Variants in TPRG1L observed in about 807,000 individuals in gnomAD.
TPRG1L encodes the protein tumor protein p63-regulated gene 1-like protein.
TPRG1L carries 25 observed loss-of-function variants against 29.4 expected under a neutral mutation model. The observed-to-expected ratio is 0.85, with a 90% CI of 0.62 to 1.19. The LOEUF (loss-of-function observed/expected upper bound fraction) is 1.19, where lower values mean the gene tolerates loss of function less well. Ranked by LOEUF, TPRG1L falls within the 50% of genes most tolerant of loss-of-function variation. The pLI, the probability that TPRG1L is intolerant of heterozygous loss-of-function variation, is 0.00. For missense variants in TPRG1L, 354 were observed against 364.4 expected, an observed-to-expected ratio of 0.97 and a Z score of 0.23; for synonymous variants, 182 against 151.1, an observed-to-expected ratio of 1.20 and a Z score of -1.50.
In TPRG1L at chr1:3,625,768, C is replaced by T. The variant is rs760020500; in HGVS notation, c.349C>T (p.Leu117=). 3 of 1,613,680 alleles carry T rather than the reference C, an allele frequency of 1.9e-6. No homozygotes were observed. Among genetic ancestry groups the T allele is most frequent in the Admixed American group, 1.7e-5 (1 of 60,028 alleles). The change falls in exon 3 of 5, where the codon CTG becomes TTG. Residue 117 remains leucine, a synonymous_variant. Transcript: ENST00000378344. ...GCTGGTGCTGGTCACGGAGCAGTCCCTGCTTATCTGTAAATACGACTTCAT... is the reference window on the plus strand; with the variant it reads ...GCTGGTGCTGGTCACGGAGCAGTCCTTGCTTATCTGTAAATACGACTTCAT... The part of the protein sequence containing the change: ...ERLVLVTEQS[L]LICKYDFISL...
chr1:3,625,170 G>A lies in TPRG1L; in HGVS notation c.98G>A (p.Gly33Glu). Residue 33 changes from glycine (G) to glutamate (E), a missense_variant, in exon 1 of 5, where the codon GGG becomes GAG. Gly to Glu is a moderately conservative substitution (Grantham distance 98). Coordinates refer to ENST00000378344, the MANE Select transcript of TPRG1L (RefSeq NM_182752.4). ...GTGGGGGCAGGCGGCGGCCCGGGCG[G>A]GGGGCGGCCGGGGGCGGGGACGCCG... The part of the protein sequence containing the change: ...EEVGAGGGPG[G>E]GRPGAGTPLR... 8.0e-7 allele frequency: 1 copy of A among 1,242,712 alleles called. No homozygotes were observed. The highest frequency in any genetic ancestry group is 1.0e-6 in the Non-Finnish European group (1 of 991,496). 77.0% of individuals were successfully genotyped at this position (1,242,712 alleles called of 1,614,324 possible). A position where few individuals can be genotyped will look rare whatever the true frequency, so the allele number is the denominator to read the frequency against.
At chr1:3,627,362 T>A (rs1396689414) in intron 3 of TPRG1L, 138 bp from the exon 4 acceptor site, 1 of 868,788 alleles carries the variant, frequency 1.2e-6, no homozygotes, top group South Asian at 1.9e-5. Flanking sequence ...CCGTTTTCCA[T>A]TGTGATATGT....
chr1:3,625,353 G>C, intron 1 of TPRG1L, 71 bp from the exon 2 acceptor site: 1 of 1,536,012 alleles, frequency 6.5e-7, no homozygotes, highest in South Asian at 1.2e-5. Context: ...GGCGGGCGCC[G>C]GGCGGTCCCG....
At chr1:3,625,621 T>TGCC (rs1315227084) in intron 2 of TPRG1L, 92 bp from the exon 3 acceptor site, 4 of 1,561,576 alleles carry the variant, frequency 2.6e-6, no homozygotes, top group African/African-American at 1.3e-5. Flanking sequence ...AGGCGCCCCG[T>TGCC]GCCGCCCCTG....
At position 3,628,464 on chromosome 1, in the gene TPRG1L, G is replaced by T; in HGVS notation, c.680G>T (p.Ser227Ile). The change falls in exon 5 of 5, where the codon AGC becomes ATC. Residue 227 changes from serine (S) to isoleucine (I), a missense_variant. Ser to Ile is a moderately radical substitution (Grantham distance 142). Coordinates refer to ENST00000378344, the MANE Select transcript of TPRG1L (RefSeq NM_182752.4). ...IQAVKKAQKE[S>I]PLPGQANGVL... ...GCTGTCAAAAAAGCCCAAAAAGAAA[G>T]CCCTTTGCCAGGACAGGCGAATGGC... 1 of 1,613,594 alleles carries T rather than the reference G, an allele frequency of 6.2e-7. No homozygotes were observed. Among genetic ancestry groups the T allele is most frequent in the Non-Finnish European group, 8.5e-7 (1 of 1,179,580 alleles).
Position 3,628,439 on chromosome 1 carries a change from G to T in TPRG1L, c.655G>T (p.Ala219Ser). ...AAGCTTCAAGGCTCTGTTAATCCAA[G>T]CTGTCAAAAAAGCCCAAAAAGAAAG... ...LESFKALLIQ[A>S]VKKAQKESPL... The change falls in exon 5 of 5, where the codon GCT (alanine) becomes TCT (serine). Residue 219 changes from alanine to serine, a missense_variant. By Grantham distance (99) the Ala-to-Ser change is moderately conservative. Coordinates refer to ENST00000378344, the MANE Select transcript of TPRG1L (RefSeq NM_182752.4). The T allele has an allele frequency of 6.2e-7, 1 of 1,612,178 alleles. No homozygotes were observed. Among genetic ancestry groups the T allele is most frequent in the Non-Finnish European group, 8.5e-7 (1 of 1,178,656 alleles).
At chr1:3,625,632 C>G (rs1644480873) in intron 2 of TPRG1L, 81 bp from the exon 3 acceptor site, 4 of 1,568,576 alleles carry the variant, frequency 2.6e-6, no homozygotes, top group East Asian at 4.5e-5. Context: ...GCCGCCCCTG[C>G]TGCCCTTCCA....
chr1:3,628,376 C>T, intron 4 of TPRG1L, 33 bp from the exon 5 acceptor site: 2 of 1,537,176 alleles, frequency 1.3e-6, no homozygotes, highest in Non-Finnish European at 1.8e-6. Context: ...TCTTGCCTGA[C>T]AGTTAAAGCT....
At chr1:3,625,995 T>A in intron 3 of TPRG1L, 106 bp downstream of exon 3, 2 of 1,119,348 alleles carry the variant, frequency 1.8e-6, no homozygotes, top group Non-Finnish European at 2.5e-6. Context: ...TCTCTGTCAT[T>A]AATTATAAGC....
intron 1 of TPRG1L, 26 bp from the exon 2 acceptor site, chr1:3,625,398 C>T: frequency 1.9e-6 from 3 of 1,562,066 alleles, no homozygotes; most frequent in African/African-American, 1.3e-5. Flanking sequence ...TCTTTGCCCC[C>T]GTCCCCCACC....
chr1:3,625,355 G>A, intron 1 of TPRG1L, 69 bp from the exon 2 acceptor site: 2 of 1,537,162 alleles, frequency 1.3e-6, no homozygotes, highest in Non-Finnish European at 1.8e-6. Flanking sequence ...CGGGCGCCGG[G>A]CGGTCCCGCA....
chr1:3,626,576 A>G (rs1302364197), intron 3 of TPRG1L, among the ~76,000 whole-genome samples: 1 of 150,396 alleles, frequency 6.6e-6, no homozygotes, highest in African/African-American at 2.5e-5. Flanking sequence ...GCCTATCTAT[A>G]ATTATTCCCT....
rs112238384 is a variant in TPRG1L at position 3,626,641 on chromosome 1, C to T, written c.470+752C>T. 6.3e-3 allele frequency among the ~76,000 whole-genome samples: 924 copies of T among 146,670 alleles called. 8 individuals are homozygous for T. The highest frequency in any genetic ancestry group is 0.023 in the African/African-American group (889 of 38,446). On this transcript the variant is annotated intron_variant, in intron 3 of 4. Coordinates refer to ENST00000378344, the MANE Select transcript of TPRG1L (RefSeq NM_182752.4). ...CTCTGTCACCCAGGCACCAGTGGTG[C>T]AGTCTTGGTTCACTGCATCCTCCAC...
rs759638851 is a variant in TPRG1L at position 3,628,575 on chromosome 1, C to T, written c.791C>T (p.Ser264Phe). The T allele has an allele frequency of 3.7e-6, 6 of 1,608,708 alleles. No individual in the cohort carries two copies. The highest frequency in any genetic ancestry group is 3.3e-5 in the Admixed American group (2 of 59,716). ...FINNEAKLGY[S>F]MTRGKIGF is the part of the protein sequence containing the mutation. Reference sequence around the variant, plus strand: ...AACAACGAGGCGAAACTGGGCTACTCCATGACCAGGGGCAAAATAGGCTTT... The same window carrying T: ...AACAACGAGGCGAAACTGGGCTACTTCATGACCAGGGGCAAAATAGGCTTT... Residue 264 changes from serine to phenylalanine, a missense_variant, in exon 5 of 5, where the codon TCC (serine) becomes TTC (phenylalanine). By Grantham distance (155) the Ser-to-Phe change is radical. Coordinates refer to ENST00000378344, the MANE Select transcript of TPRG1L (RefSeq NM_182752.4).
chr1:3,625,975 C>T, intron 3 of TPRG1L, 86 bp downstream of exon 3: 3 of 1,282,892 alleles, frequency 2.3e-6, no homozygotes, highest in South Asian at 1.4e-5. Flanking sequence ...GCCCCCCAAG[C>T]GGTGTGTCTT....
chr1:3,625,496 G>A lies in TPRG1L; in HGVS notation c.274G>A (p.Gly92Arg). Residue 92 changes from glycine to arginine, a missense_variant, in exon 2 of 5, where the codon GGA becomes AGA. By Grantham distance (125) the Gly-to-Arg change is moderately radical. Coordinates refer to ENST00000378344, the MANE Select transcript of TPRG1L (RefSeq NM_182752.4). ...VRPVEDGEIQ[G>R]VWLLTEVDHW... ...GCCCGTGGAGGACGGCGAGATCCAG[G>A]GAGTGTGGCTGCTTACCGAGTAAGC... 2 of 1,606,528 alleles carry A rather than the reference G, an allele frequency of 1.2e-6. No homozygotes were observed. Among genetic ancestry groups the A allele is most frequent in the Non-Finnish European group, 8.5e-7 (1 of 1,177,616 alleles).
At chr1:3,625,684 G>T in intron 2 of TPRG1L, 29 bp from the exon 3 acceptor site, 1 of 1,599,352 alleles carries the variant, frequency 6.3e-7, no homozygotes, top group East Asian at 2.2e-5. Flanking sequence ...CGCGTCCAGT[G>T]TGGACTGAGG....
At chr1:3,626,937 A>T (rs1644494071) in intron 3 of TPRG1L, among the ~76,000 whole-genome samples, 1 of 152,192 alleles carries the variant, frequency 6.6e-6, no homozygotes, top group South Asian at 2.1e-4. Context: ...TACATTTAAT[A>T]ACCAAAATAT....
rs148144545 is a variant in TPRG1L, at chr1:3,627,744, G to A, written c.624+91G>A. ...GAGACACTTCAGGTCTGCACTGTCC[G>A]GCGGCCACGCGGAGCTGCCGAGCAC... On this transcript the variant is annotated intron_variant, in intron 4 of 4. Transcript: ENST00000378344. The A allele has an allele frequency of 3.4e-4, 518 of 1,535,694 alleles. 1 individual carries two copies. In the African/African-American group the frequency reaches 6.1e-3, roughly 18 times the overall value.
Sources: gnomAD v4.1 joint callset for allele counts (sites outside exome capture counted in the v4.1 genomes callset) on GRCh38, gnomAD v4.1.1 for gene constraint, MANE v1.5 for transcripts, NCBI Gene and HGNC (gene_info 2026-07-23, HGNC 2026-07-21) for gene names.